ASTN2: variants seen among roughly 807,000 people sequenced by gnomAD.
The protein encoded by ASTN2 is astrotactin 2.
In ASTN2, 54 loss-of-function variants were observed where a neutral mutation model predicts 139.8. The ratio of observed to expected loss-of-function variants is 0.39; its 90% CI spans 0.31 to 0.48. ASTN2 has a LOEUF of 0.48. Among genes scored for constraint, ASTN2 ranks in the 20% least tolerant of loss-of-function variants. The pLI, the probability that ASTN2 is intolerant of heterozygous loss-of-function variation, is 0.95. For synonymous variants in ASTN2, 756 were observed against 719.5 expected (o/e 1.05, Z -0.81); for missense variants, 1,565 against 1,725.1 (o/e 0.91, Z 1.64).
At chr9:117,020,002 CTGTGTGTGTGTGTGTGTGTGTG>C (rs57575432) in intron 6 of ASTN2, among the ~76,000 whole-genome samples, 5 of 140,814 alleles carry the variant, frequency 3.6e-5, no homozygotes, top group East Asian at 2.1e-4. Context: ...TTCAGGGTTT[CTGTGTGTGTGTGTGTGTGTGTG>C]TGTGTGTGTG....
At chr9:116,652,279 T>C (rs1034016773) in intron 16 of ASTN2, among the ~76,000 whole-genome samples, 7 of 152,136 alleles carry the variant, frequency 4.6e-5, no homozygotes, top group African/African-American at 9.7e-5. Context: ...TGAGCTGAGA[T>C]TGTGCCACTG....
In ASTN2 at chr9:117,273,513, T is replaced by C. The variant is rs541333791; in HGVS notation, c.630+17813A>G. ...GACGAGTGTGTGAAGTGTTTAGTGC[T>C]ATTCTTGGGACATAAAAAAGACTCA... On this transcript the variant is annotated intron_variant, in intron 2 of 22. Transcript: ENST00000313400. 7.2e-5 allele frequency among the ~76,000 whole-genome samples: 11 copies of C among 152,232 alleles called. No homozygotes were observed. In the East Asian group the frequency reaches 2.1e-3, roughly 29 times the overall value.
Position 116,967,713 on chromosome 9 carries a change from C to T in ASTN2, c.1889+7495G>A, listed in dbSNP as rs148080232. On this transcript the variant is annotated intron_variant, in intron 10 of 22. Transcript: ENST00000313400. ...TCTTGAATATTAAATGATGTAAGAC[C>T]GGTATCAAGGGCCTTCCCCCCATAC... 8.3e-4 allele frequency among the ~76,000 whole-genome samples: 126 copies of T among 152,282 alleles called. 1 individual carries two copies. Among genetic ancestry groups the T allele is most frequent in the African/African-American group, 2.7e-3 (114 of 41,562 alleles).
intron 13 of ASTN2, among the ~76,000 whole-genome samples, chr9:116,753,631 C>T (rs1829458312): frequency 6.6e-6 from 1 of 152,100 alleles, no homozygotes; most frequent in Non-Finnish European, 1.5e-5. Context: ...GAGCTCTGTA[C>T]TTCCTGCTTA....
At chr9:116,939,405 T>G (rs563347618) in intron 10 of ASTN2, among the ~76,000 whole-genome samples, 1 of 152,170 alleles carries the variant, frequency 6.6e-6, no homozygotes, top group Admixed American at 6.5e-5. Context: ...TTTAAAAAAT[T>G]TATTATTATT....
intron 19 of ASTN2, among the ~76,000 whole-genome samples, chr9:116,534,845 G>A (rs1851539763): frequency 6.6e-6 from 1 of 152,186 alleles, no homozygotes; most frequent in Non-Finnish European, 1.5e-5. Context: ...CTGTTGACTT[G>A]GGGTGGAGAG....
At chr9:116,806,146 A>T (rs560719095) in intron 12 of ASTN2, among the ~76,000 whole-genome samples, 3 of 152,364 alleles carry the variant, frequency 2.0e-5, no homozygotes, top group African/African-American at 7.2e-5. Flanking sequence ...ATTCACAGGG[A>T]ATCATCAACT....
At chr9:116,618,949 GA>G (rs1050025899) in intron 18 of ASTN2, among the ~76,000 whole-genome samples, 2 of 149,798 alleles carry the variant, frequency 1.3e-5, no homozygotes, top group East Asian at 2.0e-4. Flanking sequence ...TGCAAAGCAA[GA>G]AAAAAAAATA....
At chr9:117,160,977 G>T (rs1045266812) in intron 3 of ASTN2, among the ~76,000 whole-genome samples, 4 of 151,818 alleles carry the variant, frequency 2.6e-5, no homozygotes, top group South Asian at 2.1e-4. Context: ...ACACACAAAT[G>T]GTCCCTCAAC....
chr9:116,477,236 G>C (rs1849010157), intron 20 of ASTN2, among the ~76,000 whole-genome samples: 1 of 152,128 alleles, frequency 6.6e-6, no homozygotes, highest in Admixed American at 6.6e-5. Flanking sequence ...AGTCTCTCTT[G>C]GCTTGGGATG....
chr9:117,405,834 CAG>C (rs1396284492), intron 1 of ASTN2, among the ~76,000 whole-genome samples: 9 of 152,196 alleles, frequency 5.9e-5, no homozygotes, highest in Non-Finnish European at 1.2e-4. Flanking sequence ...CTGCTCAAGA[CAG>C]AGTCTTCTCC....
chr9:117,126,943 G>T (rs150227540), intron 4 of ASTN2, among the ~76,000 whole-genome samples: 63 of 152,294 alleles, frequency 4.1e-4, no homozygotes, highest in African/African-American at 1.5e-3. Context: ...ACCCTGGGTA[G>T]GTAGTTAAGC....
chr9:116,526,045 G>C (rs564539380), intron 19 of ASTN2, among the ~76,000 whole-genome samples: 139 of 152,088 alleles, frequency 9.1e-4, no homozygotes, highest in Middle Eastern at 3.4e-3. Flanking sequence ...TCTAAGGTCC[G>C]GCTCAAGTGC....
chr9:116,633,512 C>A (rs1856910205), intron 17 of ASTN2, among the ~76,000 whole-genome samples: 1 of 152,200 alleles, frequency 6.6e-6, no homozygotes, highest in Non-Finnish European at 1.5e-5. Flanking sequence ...TAGATAGAAA[C>A]TCGTCTTTCC....
At chr9:117,010,373 A>G (rs910654787) in intron 6 of ASTN2, among the ~76,000 whole-genome samples, 3 of 152,154 alleles carry the variant, frequency 2.0e-5, no homozygotes, top group Non-Finnish European at 2.9e-5. Context: ...GTTTAAATGG[A>G]TAATTCTTGT....
rs760918075 is a variant in ASTN2, at chr9:116,698,465, C to T, written c.2806+27306G>A. ...TGCAGGCTGTGTCTCGCTGTGACTA[C>T]TTCCTGGCCAAGATCAAGCAGGCAG... is the stretch of plus-strand genomic sequence containing the variant. On this transcript the variant is annotated intron_variant, in intron 16 of 22. Coordinates refer to ENST00000313400, the MANE Select transcript of ASTN2 (RefSeq NM_001365068.1). The surrounding 1 kb of genome is among the most constrained non-coding windows in gnomAD (Gnocchi z 4.4). The T allele has an allele frequency of 6.2e-7, 1 of 1,613,996 alleles. No individual in the cohort carries two copies. The highest frequency in any genetic ancestry group is 8.5e-7 in the Non-Finnish European group (1 of 1,180,020).
At position 116,461,770 on chromosome 9, in the gene ASTN2, T is replaced by A. The variant is rs892216723; in HGVS notation, c.3498-19217A>T. On this transcript the variant is annotated intron_variant, in intron 20 of 22. Transcript: ENST00000313400. ...GCTTCCTGCCAACCTGTAGTAGGTA[T>A]GTCCAGTGAGTGACGATTAATGCTT... 5.3e-5 allele frequency among the ~76,000 whole-genome samples: 8 copies of A among 152,302 alleles called. No homozygotes were observed. In the East Asian group the frequency reaches 1.5e-3, roughly 29 times the overall value.
chr9:117,171,827 G>A (rs1365529931), intron 3 of ASTN2, among the ~76,000 whole-genome samples: 1 of 152,032 alleles, frequency 6.6e-6, no homozygotes, highest in Non-Finnish European at 1.5e-5. Flanking sequence ...AAATTACCGA[G>A]CCTTGGGCAC....
intron 11 of ASTN2, among the ~76,000 whole-genome samples, chr9:116,823,942 A>T (rs1831555160): frequency 1.3e-5 from 2 of 152,132 alleles, no homozygotes. Context: ...TATTTCAATT[A>T]GTTTGTTGCT....
Sources: allele counts gnomAD v4.1 joint callset (sites outside exome capture counted in the v4.1 genomes callset), GRCh38; gene constraint gnomAD v4.1.1; non-coding constraint Gnocchi (gnomAD v3.1); transcripts MANE v1.5; gene names NCBI Gene and HGNC (gene_info 2026-07-23, HGNC 2026-07-21).